The following XRCC6 variants were observed in gnomAD, a reference collection of about 807,000 sequenced individuals.
The protein encoded by XRCC6 is X-ray repair cross complementing 6.
A neutral mutation model predicts 65.7 loss-of-function variants in XRCC6; 5 were observed. That is an observed-to-expected ratio of 0.08 (90% CI 0.04 to 0.16). The LOEUF is 0.16. Ranked by LOEUF, XRCC6 falls within the 10% of genes least tolerant of loss-of-function variation. XRCC6 has a pLI of 1.00. For missense variants in XRCC6, 447 were observed against 738.1 expected (o/e 0.61, Z 4.57); for synonymous variants, 270 against 270.6 (o/e 1.00, Z 0.02).
Position 41,656,795 on chromosome 22 carries a change from GGCCCCA to G in XRCC6, c.1292-99_1292-94del, listed in dbSNP as rs753526663. ...GGAGTTCAAGAAATGGGGCCTACGG[GGCCCCA>G]GCCCCAGCACCACAGGACATAAAAG... On this transcript the variant is annotated intron_variant, in intron 9 of 12. Coordinates refer to ENST00000360079, the MANE Select transcript of XRCC6 (RefSeq NM_001469.5). 7 of 1,512,582 alleles carry G rather than the reference GGCCCCA, an allele frequency of 4.6e-6. No homozygotes were observed. The Admixed American group carries it at 1.1e-4, about 24-fold the overall frequency. The allele number at this position is 1,512,582 out of a possible 1,614,324, so 93.7% of individuals were successfully genotyped here. A position where few individuals can be genotyped will look rare whatever the true frequency, so the allele number is the denominator to read the frequency against.
At chr22:41,648,157 A>T (rs1490586538) in intron 7 of XRCC6, 2 of 151,528 alleles carry the variant, frequency 1.3e-5, no homozygotes, top group African/African-American at 4.8e-5. Flanking sequence ...GTTGTGATCA[A>T]TTAGTTGTAA....
intron 6 of XRCC6, among the ~76,000 whole-genome samples, chr22:41,639,329 C>CTTTTTTTTGTTTTT (rs2067847468): frequency 1.5e-5 from 1 of 64,560 alleles, no homozygotes; most frequent in Non-Finnish European, 2.7e-5. Flanking sequence ...GATTCTTTTT[C>CTTTTTTTTGTTTTT]TTTTTTTTTT....
At chr22:41,661,999 T>C (rs1051100334) in intron 12 of XRCC6, among the ~76,000 whole-genome samples, 3 of 152,206 alleles carry the variant, frequency 2.0e-5, no homozygotes, top group African/African-American at 4.8e-5. Context: ...TTCTCACTTA[T>C]TTGTGGAATC....
chr22:41,630,059 C>A (rs2067723256), intron 3 of XRCC6, among the ~76,000 whole-genome samples: 1 of 149,440 alleles, frequency 6.7e-6, no homozygotes, highest in Admixed American at 6.7e-5. Flanking sequence ...TCTTGGCTCA[C>A]TACAACCTCT....
At chr22:41,626,246 G>A (rs1304000570) in intron 2 of XRCC6, among the ~76,000 whole-genome samples, 2 of 151,164 alleles carry the variant, frequency 1.3e-5, no homozygotes, top group Admixed American at 6.6e-5. Context: ...AGATTCAAGC[G>A]ATTCTCCCAC....
intron 11 of XRCC6, 113 bp from the exon 12 acceptor site, chr22:41,661,218 C>G: frequency 1.2e-6 from 1 of 847,626 alleles, no homozygotes; most frequent in Non-Finnish European, 1.9e-6. Flanking sequence ...CTAGACCCCT[C>G]CCACCTTAGC....
chr22:41,656,410 A>G (rs2068045317), intron 9 of XRCC6, among the ~76,000 whole-genome samples: 1 of 151,614 alleles, frequency 6.6e-6, no homozygotes, highest in Non-Finnish European at 1.5e-5. Context: ...CCAGCTATTC[A>G]GGAGGCTGAG....
intron 2 of XRCC6, among the ~76,000 whole-genome samples, chr22:41,622,775 C>CT (rs1226671208): frequency 9.2e-5 from 14 of 151,522 alleles, no homozygotes; most frequent in African/African-American, 3.4e-4. Context: ...CCCGTCTGTA[C>CT]TAAAAAAAAA....
At chr22:41,650,677 C>A (rs771150091) in intron 7 of XRCC6, 46 bp from the exon 8 acceptor site, 1 of 1,584,516 alleles carries the variant, frequency 6.3e-7, no homozygotes, top group South Asian at 1.1e-5. Flanking sequence ...TATTTTGCAT[C>A]TCCTCGTAGC....
At chr22:41,648,944 C>T (rs1264875573) in intron 7 of XRCC6, among the ~76,000 whole-genome samples, 1 of 151,480 alleles carries the variant, frequency 6.6e-6, no homozygotes, top group Admixed American at 6.6e-5. Flanking sequence ...TTATTAGTCA[C>T]ATATCCAGGA....
chr22:41,654,410 C>G (rs1480965860), intron 9 of XRCC6, among the ~76,000 whole-genome samples: 1 of 152,152 alleles, frequency 6.6e-6, no homozygotes, highest in Non-Finnish European at 1.5e-5. Context: ...ACTACTGAGG[C>G]TGAAATGATC....
intron 9 of XRCC6, among the ~76,000 whole-genome samples, chr22:41,656,229 A>G (rs1350110528): frequency 6.6e-6 from 1 of 151,348 alleles, no homozygotes; most frequent in African/African-American, 2.4e-5. Context: ...AAAAAAAAAA[A>G]AAAGATGAAG....
At chr22:41,625,953 C>T (rs112384077) in intron 2 of XRCC6, among the ~76,000 whole-genome samples, 10,988 of 152,178 alleles carry the variant, frequency 0.072, 957 homozygotes, top group African/African-American at 0.2. Flanking sequence ...ATTCTCCTGC[C>T]TCAGCCTCCC....
Position 41,649,781 on chromosome 22 carries a change from G to A in XRCC6, c.961-942G>A, listed in dbSNP as rs189941715. Among the ~76,000 whole-genome samples, 4 of 151,680 alleles carry A rather than the reference G, an allele frequency of 2.6e-5. No homozygotes were observed. The South Asian group carries it at 6.2e-4, about 24-fold the overall frequency. Reference sequence around the variant, plus strand: ...GAGGCAGGAGAATGGCGTGAACCCCGGTGGGTGGAGCCTGCAGTGAGCCGA... The same window carrying A: ...GAGGCAGGAGAATGGCGTGAACCCCAGTGGGTGGAGCCTGCAGTGAGCCGA... On this transcript the variant is annotated intron_variant, in intron 7 of 12. Transcript: ENST00000360079.
At chr22:41,639,691 C>G (rs139708202) in intron 6 of XRCC6, among the ~76,000 whole-genome samples, 1,190 of 16,632 alleles carry the variant, frequency 0.072, 22 homozygotes, top group African/African-American at 0.32. Context: ...GAGATGGAGT[C>G]TTGCTCTTTT....
At chr22:41,650,647 T>A in intron 7 of XRCC6, 76 bp from the exon 8 acceptor site, 1 of 1,491,992 alleles carries the variant, frequency 6.7e-7, no homozygotes, top group Middle Eastern at 2.4e-4. Context: ...TTTAACTTGC[T>A]AGTGTCATCA....
chr22:41,628,654 T>C (rs80071366), intron 3 of XRCC6, among the ~76,000 whole-genome samples: 2,061 of 152,182 alleles, frequency 0.014, 48 homozygotes, highest in African/African-American at 0.047. Flanking sequence ...ACTTCAATTT[T>C]AAAACAGGCA....
At chr22:41,627,295 C>T (rs2067688478) in intron 2 of XRCC6, among the ~76,000 whole-genome samples, 1 of 151,954 alleles carries the variant, frequency 6.6e-6, no homozygotes, top group Non-Finnish European at 1.5e-5. Context: ...TGTGGTAGAT[C>T]ATGCCTATAA....
At chr22:41,645,623 C>G (rs1196554511) in intron 6 of XRCC6, among the ~76,000 whole-genome samples, 1 of 151,370 alleles carries the variant, frequency 6.6e-6, no homozygotes. Flanking sequence ...GGGTAATTCC[C>G]AAAGAAAAAT....
Sources: gnomAD v4.1 joint callset for allele counts (sites outside exome capture counted in the v4.1 genomes callset) on GRCh38, gnomAD v4.1.1 for gene constraint, MANE v1.5 for transcripts, NCBI Gene and HGNC (gene_info 2026-07-23, HGNC 2026-07-21) for gene names.